The following PIGX variants were observed in gnomAD, a reference collection of about 807,000 sequenced individuals.
PIGX encodes phosphatidylinositol glycan anchor biosynthesis class X, also known as GPI alpha-1,4-mannosyltransferase I, stabilizing subunit.
In PIGX, 24 loss-of-function variants were observed where a neutral mutation model predicts 28.7. The observed-to-expected ratio is 0.84, with a 90% CI of 0.60 to 1.17. The LOEUF (loss-of-function observed/expected upper bound fraction) is 1.17, where lower values mean the gene tolerates loss of function less well. Among genes scored for constraint, PIGX ranks in the 50% most tolerant of loss-of-function variants. The pLI is 0.00. For synonymous variants in PIGX, 127 were observed against 121.0 expected, an observed-to-expected ratio of 1.05 and a Z score of -0.33; for missense variants, 305 against 317.8, an observed-to-expected ratio of 0.96 and a Z score of 0.31.
chr3:196,714,564 C>G (rs1262085769), intron 1 of PIGX, among the ~76,000 whole-genome samples: 1 of 151,334 alleles, frequency 6.6e-6, no homozygotes, highest in East Asian at 2.0e-4. Flanking sequence ...CAGGTTCAAG[C>G]GATTCTCCTG....
chr3:196,728,268 G>C lies in PIGX; in HGVS notation c.532+132G>C, dbSNP rs1712606908. ...GTGGTAGTTACAAGGGTATTTATTT[G>C]CCTTATAATAATTCACTAAACTATG... is the stretch of plus-strand genomic sequence containing the variant. On this transcript the variant is annotated intron_variant, in intron 4 of 5. Transcript: ENST00000392391. 8 of 641,998 alleles carry C rather than the reference G, an allele frequency of 1.2e-5. No individual in the cohort carries two copies. The South Asian group carries it at 1.5e-4, about 12-fold the overall frequency. The allele number at this position is 641,998 out of a possible 1,614,324, so 39.8% of individuals were successfully genotyped here.
chr3:196,725,660 A>G (rs985981970), intron 3 of PIGX, among the ~76,000 whole-genome samples: 1 of 152,208 alleles, frequency 6.6e-6, no homozygotes, highest in Non-Finnish European at 1.5e-5. Flanking sequence ...TGTATATGTT[A>G]GGAAACTACC....
chr3:196,732,261 A>T (rs7615232), intron 5 of PIGX, among the ~76,000 whole-genome samples: 2,296 of 19,770 alleles, frequency 0.12, 147 homozygotes, highest in Middle Eastern at 0.23. Flanking sequence ...TATATATTTT[A>T]TTTTATTTTA....
rs749759646 is a variant in PIGX, at chr3:196,722,377, G to C, written c.177-38G>C. On this transcript the variant is annotated intron_variant, in intron 2 of 5. Transcript: ENST00000392391. ...TGTTATGTTATCTCATTTAACAGTT[G>C]AATGAAGAGATTTACTTTCAATGTA... is the stretch of plus-strand genomic sequence containing the variant. 7.4e-6 allele frequency: 11 copies of C among 1,488,862 alleles called. No individual in the cohort carries two copies. In the South Asian group the frequency reaches 1.3e-4, roughly 17 times the overall value. The allele number at this position is 1,488,862 out of a possible 1,614,324, so 92.2% of individuals were successfully genotyped here. A position where few individuals can be genotyped will look rare whatever the true frequency, so the allele number is the denominator to read the frequency against.
rs1334814941 is a variant in PIGX at position 196,732,241 on chromosome 3, TATATATATATATA to T, written c.633+1150_633+1162del. Among the ~76,000 whole-genome samples, 27 of 64,814 alleles carry T rather than the reference TATATATATATATA, an allele frequency of 4.2e-4. 4 individuals are homozygous for T. Among genetic ancestry groups the T allele is most frequent in the Middle Eastern group, 0.012 (2 of 164 alleles). 42.5% of individuals were successfully genotyped at this position (64,814 alleles called of 152,430 possible). On this transcript the variant is annotated intron_variant, in intron 5 of 5. Coordinates refer to ENST00000392391, the MANE Select transcript of PIGX (RefSeq NM_017861.4). ...TTATATATATATATATATATATATA[TATATATATATATA>T]TATTTTATTTTATTTTATTTTTTTT...
chr3:196,720,314 G>A (rs1712274333), intron 2 of PIGX, among the ~76,000 whole-genome samples: 2 of 152,212 alleles, frequency 1.3e-5, no homozygotes, highest in Non-Finnish European at 2.9e-5. Flanking sequence ...TAATGTTTGT[G>A]AAGCTTATTT....
intron 3 of PIGX, chr3:196,726,615 C>T (rs1712533768): frequency 4.4e-6 from 2 of 452,744 alleles, no homozygotes; most frequent in South Asian, 1.6e-5. Context: ...GAAACCATGT[C>T]ATGAGAACCC....
chr3:196,730,067 C>CAA (rs779405650), intron 4 of PIGX, among the ~76,000 whole-genome samples: 10 of 102,460 alleles, frequency 9.8e-5, no homozygotes, highest in South Asian at 3.3e-4. Context: ...AAGACTGTCT[C>CAA]AAAAAAAAAA....
In PIGX at chr3:196,712,788, T is replaced by TGCCCTCCTTCCCTCCCGTGC. The variant is rs1280512991; in HGVS notation, c.112+147_112+166dup. ...GAGGAGGTCAGACACTAGAGCCGTG[T>TGCCCTCCTTCCCTCCCGTGC]GCCCTCCTTCCCTCCCGTGCGCTTT... On this transcript the variant is annotated intron_variant, in intron 1 of 5. Transcript: ENST00000392391. 7 of 1,108,144 alleles carry TGCCCTCCTTCCCTCCCGTGC rather than the reference T, an allele frequency of 6.3e-6. No homozygotes were observed. In the African/African-American group the frequency reaches 1.0e-4, roughly 16 times the overall value. The allele number at this position is 1,108,144 out of a possible 1,614,324, so 68.6% of individuals were successfully genotyped here.
Position 196,733,635 on chromosome 3 carries a change from ACTC to A in PIGX, c.634-121_634-119del, listed in dbSNP as rs1712905178. ...GAGATGTTGGCCAGGCTGGTTTTGA[ACTC>A]CTGACCTCAAGCGATCTGCCCGCCT... On this transcript the variant is annotated intron_variant, in intron 5 of 5. Coordinates refer to ENST00000392391, the MANE Select transcript of PIGX (RefSeq NM_017861.4). This position sits in a 1 kb window ranked among gnomAD's most constrained non-coding sequence, Gnocchi z 4.3. 3.0e-6 allele frequency: 2 copies of A among 661,642 alleles called. No homozygotes were observed. Among genetic ancestry groups the A allele is most frequent in the Admixed American group, 4.8e-5 (2 of 42,018 alleles). The allele number at this position is 661,642 out of a possible 1,614,324, so 41.0% of individuals were successfully genotyped here. A position where few individuals can be genotyped will look rare whatever the true frequency, so the allele number is the denominator to read the frequency against.
chr3:196,730,812 A>G (rs4916443), intron 4 of PIGX, among the ~76,000 whole-genome samples, 180 bp from the exon 5 acceptor site: 2,192 of 151,902 alleles, frequency 0.014, 85 homozygotes, highest in Admixed American at 0.087. Flanking sequence ...GTGATTTTCT[A>G]ATTTCTTAGG....
At chr3:196,716,271 G>GTT (rs11329124) in intron 1 of PIGX, among the ~76,000 whole-genome samples, 2 of 149,970 alleles carry the variant, frequency 1.3e-5, no homozygotes. Context: ...TTTGCTTTTT[G>GTT]TTTTTTTTTT....
chr3:196,721,748 A>ATTTTTTC (rs1320894177), intron 2 of PIGX, among the ~76,000 whole-genome samples: 1 of 148,602 alleles, frequency 6.7e-6, no homozygotes, highest in Non-Finnish European at 1.5e-5. Context: ...TCCCCGGCCT[A>ATTTTTTC]TTTTTTCTTT....
At chr3:196,724,356 G>A (rs1712442748) in intron 3 of PIGX, among the ~76,000 whole-genome samples, 1 of 152,108 alleles carries the variant, frequency 6.6e-6, no homozygotes, top group African/African-American at 2.4e-5. Flanking sequence ...TTCTAAATGA[G>A]GCTATTCAAA....
intron 5 of PIGX, among the ~76,000 whole-genome samples, chr3:196,732,240 A>ATTTTTTTT (rs1560080573): frequency 1.9e-5 from 1 of 52,130 alleles, no homozygotes; most frequent in African/African-American, 1.0e-4. Flanking sequence ...ATATATATAT[A>ATTTTTTTT]TATATATATA....
chr3:196,732,216 T>TTATTTATATATA (rs1400132891), intron 5 of PIGX, among the ~76,000 whole-genome samples: 19 of 51,316 alleles, frequency 3.7e-4, no homozygotes, highest in African/African-American at 5.5e-4. Flanking sequence ...TATATATTAT[T>TTATTTATATATA]TATATATATA....
chr3:196,731,234 G>A, intron 5 of PIGX, 142 bp downstream of exon 5: 1 of 399,698 alleles, frequency 2.5e-6, no homozygotes, highest in South Asian at 2.6e-5. Flanking sequence ...CTGGAGTGCA[G>A]TGGCACAATC....
Position 196,735,210 on chromosome 3 carries a change from G to A in PIGX, c.*1308G>A. The A allele has an allele frequency of 7.3e-6, 1 of 137,846 alleles. No individual in the cohort carries two copies. The highest frequency in any genetic ancestry group is 1.5e-5 in the Non-Finnish European group (1 of 65,792). 8.5% of individuals were successfully genotyped at this position (137,846 alleles called of 1,614,324 possible). On this transcript the variant is annotated 3_prime_UTR_variant, in exon 6 of 6. Transcript: ENST00000392391. ...CTCGGGAGGCTGAGGCAGGAGAATGGCATGAACCCGGAAGGCAGAGCTTGC... is the reference window on the plus strand; with the variant it reads ...CTCGGGAGGCTGAGGCAGGAGAATGACATGAACCCGGAAGGCAGAGCTTGC...
intron 3 of PIGX, among the ~76,000 whole-genome samples, chr3:196,724,499 A>C (rs1049030916): frequency 6.6e-6 from 1 of 152,192 alleles, no homozygotes; most frequent in Non-Finnish European, 1.5e-5. Context: ...GATGGGGGTT[A>C]CCCAAAAATT....
Sources: gnomAD v4.1 joint callset for allele counts (sites outside exome capture counted in the v4.1 genomes callset) on GRCh38, gnomAD v4.1.1 for gene constraint, Gnocchi (gnomAD v3.1) non-coding constraint, MANE v1.5 for transcripts, NCBI Gene and HGNC (gene_info 2026-07-23, HGNC 2026-07-21) for gene names.